The following ARHGAP23 variants were observed in gnomAD, a reference collection of about 807,000 sequenced individuals.
ARHGAP23 encodes Rho GTPase activating protein 23.
ARHGAP23 carries 34 observed loss-of-function variants against 136.3 expected under a neutral mutation model. The observed-to-expected ratio is 0.25, with a 90% CI of 0.19 to 0.33. ARHGAP23 has a LOEUF of 0.33. Ranked by LOEUF, ARHGAP23 falls within the 10% of genes least tolerant of loss-of-function variation. The probability of loss-of-function intolerance (pLI) is 1.00; values close to 1 mark genes in which losing one functional copy is unlikely to be tolerated. For missense variants in ARHGAP23, 1,808 were observed against 2,139.0 expected, an observed-to-expected ratio of 0.85 and a Z score of 3.05; for synonymous variants, 832 against 920.5, an observed-to-expected ratio of 0.90 and a Z score of 1.74.
chr17:38,483,366 A>T (rs1430214121), intron 16 of ARHGAP23, among the ~76,000 whole-genome samples: 1 of 152,240 alleles, frequency 6.6e-6, no homozygotes, highest in Non-Finnish European at 1.5e-5. Flanking sequence ...CTGTGAAGGG[A>T]TCTGCAATCA....
rs1447367985 is a variant in ARHGAP23 at position 38,466,732 on chromosome 17, G to A, written c.1049G>A (p.Arg350His). 1.7e-5 allele frequency: 27 copies of A among 1,545,016 alleles called. No individual in the cohort carries two copies. Among genetic ancestry groups the A allele is most frequent in the East Asian group, 9.8e-5 (4 of 40,824 alleles). The change falls in exon 7 of 24, where the codon CGC becomes CAC. Residue 350 changes from arginine (R) to histidine (H), a missense_variant. Transcript: ENST00000622683. Reference sequence around the variant, plus strand: ...GGCCAGGAGGGCTGGCACCGAGCTCGCTCAGATGACTACTTGAGCCGGGCC... The same window carrying A: ...GGCCAGGAGGGCTGGCACCGAGCTCACTCAGATGACTACTTGAGCCGGGCC... ...QLGQEGWHRARSDDYLSRATR... is the reference protein window; with the variant it reads ...QLGQEGWHRAHSDDYLSRATR...
chr17:38,448,264 T>A (rs1197741273), intron 1 of ARHGAP23, among the ~76,000 whole-genome samples: 1 of 152,084 alleles, frequency 6.6e-6, no homozygotes, highest in Admixed American at 6.5e-5. Flanking sequence ...CTTGCCTGGG[T>A]CTATGAGCGT....
chr17:38,421,578 C>T (rs894959666), intron 1 of ARHGAP23, among the ~76,000 whole-genome samples: 4 of 152,196 alleles, frequency 2.6e-5, no homozygotes, highest in African/African-American at 7.2e-5. Context: ...CGTGAGCCGC[C>T]GATGTGTCTG....
At position 38,482,523 on chromosome 17, in the gene ARHGAP23, C is replaced by T. The variant is rs1419138946; in HGVS notation, c.2752C>T (p.Arg918Cys). ...TAACACCCCTCCCATGTGTCCCCAG[C>T]GCGTCCCCTTAATCGTGGCTGCATG... ...EECQPATENQ[R>C]VPLIVAACCR... The change falls in exon 16 of 24, where the codon CGC (arginine) becomes TGC (cysteine). Residue 918 changes from arginine to cysteine, a missense_variant and splice_region_variant. Arg to Cys is a radical substitution (Grantham distance 180). Coordinates refer to ENST00000622683, the MANE Select transcript of ARHGAP23 (RefSeq NM_001199417.2). The T allele has an allele frequency of 5.8e-6, 9 of 1,542,772 alleles. No individual in the cohort carries two copies. Among genetic ancestry groups the T allele is most frequent in the African/African-American group, 1.4e-5 (1 of 72,918 alleles).
chr17:38,500,565 C>T (rs1403686649), intron 22 of ARHGAP23, 32 bp from the exon 23 acceptor site: 1 of 1,547,148 alleles, frequency 6.5e-7, no homozygotes, highest in African/African-American at 1.4e-5. Context: ...CCTGATGCAA[C>T]TTTCATTTTT....
chr17:38,509,112 A>G (rs2040698003), intron 23 of ARHGAP23, among the ~76,000 whole-genome samples: 1 of 151,320 alleles, frequency 6.6e-6, no homozygotes, highest in Admixed American at 6.6e-5. Flanking sequence ...GCGGATGAAA[A>G]CCAGCTTCCA....
chr17:38,424,962 T>C (rs1302471097), upstream of ARHGAP23, among the ~76,000 whole-genome samples: 1 of 152,178 alleles, frequency 6.6e-6, no homozygotes, highest in African/African-American at 2.4e-5. Context: ...ACTCTTCCAT[T>C]TCCTTCCTCC....
chr17:38,438,137 A>G (rs963157043), intron 1 of ARHGAP23, among the ~76,000 whole-genome samples: 5 of 152,176 alleles, frequency 3.3e-5, no homozygotes, highest in African/African-American at 4.8e-5. Flanking sequence ...CCTGGCCAAC[A>G]TGGTGAAACC....
At position 38,482,236 on chromosome 17, in the gene ARHGAP23, C is replaced by T. The variant is rs1233402921; in HGVS notation, c.2751+93C>T. On this transcript the variant is annotated intron_variant, in intron 15 of 23. Coordinates refer to ENST00000622683, the MANE Select transcript of ARHGAP23 (RefSeq NM_001199417.2). Reference sequence around the variant, plus strand: ...CAAGGGACATGGAACCAGCTCTCCACCTCATTGTACAAACACAGCTGGGAA... The same window carrying T: ...CAAGGGACATGGAACCAGCTCTCCATCTCATTGTACAAACACAGCTGGGAA... 12 of 1,509,398 alleles carry T rather than the reference C, an allele frequency of 8.0e-6. No individual in the cohort carries two copies. In the South Asian group the frequency reaches 1.4e-4, roughly 18 times the overall value. 93.5% of individuals were successfully genotyped at this position (1,509,398 alleles called of 1,614,324 possible). A position where few individuals can be genotyped will look rare whatever the true frequency, so the allele number is the denominator to read the frequency against.
At chr17:38,435,869 G>A (rs2038785548) in intron 1 of ARHGAP23, among the ~76,000 whole-genome samples, 2 of 152,192 alleles carry the variant, frequency 1.3e-5, no homozygotes, top group Admixed American at 1.3e-4. Flanking sequence ...CCAAAGTGTT[G>A]GGATTACAGG....
chr17:38,440,798 G>A (rs1426398264), intron 1 of ARHGAP23, among the ~76,000 whole-genome samples: 2 of 152,220 alleles, frequency 1.3e-5, no homozygotes, highest in Non-Finnish European at 2.9e-5. Context: ...TGAGGAGAGG[G>A]ATCTAGAGGC....
chr17:38,460,877 C>A (rs1023363243), intron 2 of ARHGAP23, 28 bp from the exon 3 acceptor site: 1 of 1,535,940 alleles, frequency 6.5e-7, no homozygotes, highest in African/African-American at 1.4e-5. Context: ...TGGACTGACG[C>A]CCACACCCAC....
chr17:38,493,898 A>C (rs967001802), intron 20 of ARHGAP23, among the ~76,000 whole-genome samples: 2 of 152,188 alleles, frequency 1.3e-5, no homozygotes, highest in African/African-American at 4.8e-5. Flanking sequence ...AATGGAACCC[A>C]AACAAAGATC....
chr17:38,426,189 C>T (rs8065346), upstream of ARHGAP23, among the ~76,000 whole-genome samples: 41,004 of 151,706 alleles, frequency 0.27, 6,032 homozygotes, highest in Middle Eastern at 0.38. Context: ...CATTGGACCA[C>T]TGGAGCTACA....
At chr17:38,443,189 T>G (rs34522859) in intron 1 of ARHGAP23, among the ~76,000 whole-genome samples, 28,453 of 152,118 alleles carry the variant, frequency 0.19, 4,162 homozygotes, top group African/African-American at 0.41. Context: ...TTTCTCACCA[T>G]CCTCCCTGTC....
At chr17:38,480,816 A>G (rs2040021115) in intron 14 of ARHGAP23, among the ~76,000 whole-genome samples, 2 of 150,636 alleles carry the variant, frequency 1.3e-5, no homozygotes, top group South Asian at 4.2e-4. Flanking sequence ...AAAAAAAAAA[A>G]AAAAAAAAGA....
In ARHGAP23 at chr17:38,466,670, G is replaced by T; in HGVS notation, c.987G>T (p.Trp329Cys). 1 of 1,515,412 alleles carries T rather than the reference G, an allele frequency of 6.6e-7. No individual in the cohort carries two copies. 93.9% of individuals were successfully genotyped at this position (1,515,412 alleles called of 1,614,324 possible). A position where few individuals can be genotyped will look rare whatever the true frequency, so the allele number is the denominator to read the frequency against. The change falls in exon 7 of 24, where the codon TGG becomes TGT. Residue 329 changes from tryptophan (W) to cysteine (C), a missense_variant. Transcript: ENST00000622683. ...AGGAGGTGGCTGCCCCCCGCCCGTGGCCCTGCTCCACCTCCCAGGATGCTT... is the reference window on the plus strand; with the variant it reads ...AGGAGGTGGCTGCCCCCCGCCCGTGTCCCTGCTCCACCTCCCAGGATGCTT... Reference protein sequence around the residue: ...RLEEVAAPRPWPCSTSQDALS... With the variant: ...RLEEVAAPRPCPCSTSQDALS...
At chr17:38,419,830 AC>A (rs1298483469) in intron 1 of ARHGAP23, among the ~76,000 whole-genome samples, 1 of 151,188 alleles carries the variant, frequency 6.6e-6, no homozygotes, top group Non-Finnish European at 1.5e-5. Flanking sequence ...TGGTTCGTTG[AC>A]CCCCAGTCCC....
At chr17:38,456,139 C>T (rs2039319552) in intron 1 of ARHGAP23, among the ~76,000 whole-genome samples, 1 of 152,194 alleles carries the variant, frequency 6.6e-6, no homozygotes, top group Non-Finnish European at 1.5e-5. Flanking sequence ...CTGGCTCTGT[C>T]CCCTGGGGCT....
Sources: allele counts gnomAD v4.1 joint callset (sites outside exome capture counted in the v4.1 genomes callset), GRCh38; gene constraint gnomAD v4.1.1; transcripts MANE v1.5; gene names NCBI Gene and HGNC (gene_info 2026-07-23, HGNC 2026-07-21).